The following KRT32 variants were observed in gnomAD, a reference collection of about 807,000 sequenced individuals.
KRT32 encodes the protein keratin, type I cuticular Ha2.
Under a neutral mutation model 41.8 loss-of-function variants are expected in KRT32, and 44 were observed. The observed-to-expected ratio is 1.05, with a 90% confidence interval of 0.83 to 1.35. KRT32 has a LOEUF of 1.35. KRT32 is among the 40% of genes most tolerant of loss of function. The pLI is 0.00. For synonymous variants in KRT32, 238 were observed against 242.5 expected (o/e 0.98, Z 0.17); for missense variants, 576 against 584.6 (o/e 0.99, Z 0.15).
chr17:41,463,972 T>C (rs1597741801), intron 5 of KRT32, 106 bp downstream of exon 5: 1 of 1,168,906 alleles, frequency 8.6e-7, no homozygotes, highest in East Asian at 2.7e-5. Flanking sequence ...TGAGCATCCA[T>C]GGTGGCTGAA....
chr17:41,467,292 G>A lies in KRT32; in HGVS notation c.34C>T (p.Gln12Ter). The stretch of plus-strand genomic sequence containing the variant: ...CGGGGGCAGCTCTTGAGAGAGGCTT[G>A]CAAGTTGTTGGTGACACAGCAGGAG... The part of the protein sequence containing the change: ...TSSCCVTNNL[Q>*]ASLKSCPRPA... Residue 12 changes from glutamine to a stop codon, truncating the protein, a stop_gained, in exon 1 of 7, where the codon CAA (glutamine) becomes TAA (stop). Coordinates refer to ENST00000225899, the MANE Select transcript of KRT32 (RefSeq NM_002278.3). LOFTEE classifies it high-confidence loss of function. 1.2e-6 allele frequency: 2 copies of A among 1,612,254 alleles called. No individual in the cohort carries two copies. Among genetic ancestry groups the A allele is most frequent in the African/African-American group, 1.3e-5 (1 of 75,056 alleles).
rs555113806 is a variant in KRT32 at position 41,464,121 on chromosome 17, G to C, written c.953C>G (p.Thr318Arg). 1.2e-6 allele frequency: 2 copies of C among 1,612,004 alleles called. No individual in the cohort carries two copies. Among genetic ancestry groups the C allele is most frequent in the Non-Finnish European group, 1.7e-6 (2 of 1,178,876 alleles). The change falls in exon 5 of 7, where the codon ACG becomes AGG. Residue 318 changes from threonine (T) to arginine (R), a missense_variant. Coordinates refer to ENST00000225899, the MANE Select transcript of KRT32 (RefSeq NM_002278.3). Reference sequence around the variant, plus strand: ...CAGCTCGATCTCCAGCGTGTTGACCGTGCGTCTCAGGTCAATGATGTCTGA... The same window carrying C: ...CAGCTCGATCTCCAGCGTGTTGACCCTGCGTCTCAGGTCAATGATGTCTGA... ...YQSDIIDLRRTVNTLEIELQA... is the reference protein window; with the variant it reads ...YQSDIIDLRRRVNTLEIELQA...
chr17:41,464,420 C>T lies in KRT32; in HGVS notation c.732G>A (p.Gln244=). The stretch of plus-strand genomic sequence containing the variant: ...CCTCGATGTTAAGGCGGTCCCCAAG[C>T]TGGCATCGAAGGGAACCGACTTCCT... ...HEEEVGSLRC[Q]LGDRLNIEVD... The change falls in exon 4 of 7, where the codon CAG becomes CAA. Residue 244 remains glutamine, a synonymous_variant. Coordinates refer to ENST00000225899, the MANE Select transcript of KRT32 (RefSeq NM_002278.3). The T allele has an allele frequency of 6.3e-7, 1 of 1,580,344 alleles. No homozygotes were observed. Among genetic ancestry groups the T allele is most frequent in the Non-Finnish European group, 8.6e-7 (1 of 1,165,368 alleles).
In KRT32 at chr17:41,460,193, G is replaced by T. The variant is rs756056270; in HGVS notation, c.1264C>A (p.Pro422Thr). 5.0e-6 allele frequency: 8 copies of T among 1,611,498 alleles called. No homozygotes were observed. In the Admixed American group the frequency reaches 8.4e-5, roughly 17 times the overall value. Residue 422 changes from proline (P) to threonine (T), a missense_variant, in exon 7 of 7, where the codon CCC becomes ACC. Transcript: ENST00000225899. The stretch of plus-strand genomic sequence containing the variant: ...ACGGTGCGGGGCACGCATGGGGAGG[G>T]CACACAGGTGGTGCAGGAAGGAGTG... The part of the protein sequence containing the change: ...CSTPSCTTCV[P>T]SPCVPRTVCV...
intron 1 of KRT32, 111 bp from the exon 2 acceptor site, chr17:41,466,287 C>G: frequency 1.2e-6 from 1 of 805,032 alleles, no homozygotes; most frequent in Non-Finnish European, 2.0e-6. Context: ...CTGCAGCCAT[C>G]CCTGCAGAAG....
chr17:41,461,913 A>G (rs527503082), intron 6 of KRT32, among the ~76,000 whole-genome samples: 1 of 152,298 alleles, frequency 6.6e-6, no homozygotes, highest in Non-Finnish European at 1.5e-5. Flanking sequence ...TTCTACCTGC[A>G]CAGTGTCTAG....
At chr17:41,462,788 T>C (rs1279187828) in intron 6 of KRT32, 42 bp downstream of exon 6, 1 of 1,604,812 alleles carries the variant, frequency 6.2e-7, no homozygotes, top group East Asian at 2.2e-5. Context: ...CCTCCCAGAA[T>C]CCCTGCCCAC....
rs184534234 is a variant in KRT32 at position 41,466,326 on chromosome 17, T to A, written c.469-150A>T. 215 of 600,346 alleles carry A rather than the reference T, an allele frequency of 3.6e-4. No individual in the cohort carries two copies. The Admixed American group carries it at 4.9e-3, about 14-fold the overall frequency. 37.2% of individuals were successfully genotyped at this position (600,346 alleles called of 1,614,324 possible). ...CTCTTCCCTGGAACTCTGGGAGATA[T>A]TTAGCGAATTGCTAGTCCTTGGAGA... On this transcript the variant is annotated intron_variant, in intron 1 of 6. Transcript: ENST00000225899.
intron 6 of KRT32, among the ~76,000 whole-genome samples, chr17:41,461,010 C>G (rs2018997239): frequency 6.6e-6 from 1 of 152,172 alleles, no homozygotes; most frequent in Non-Finnish European, 1.5e-5. Flanking sequence ...AGGGACTGTA[C>G]TGCTCAGGCC....
chr17:41,460,285 A>G, intron 6 of KRT32, 46 bp from the exon 7 acceptor site: 4 of 1,550,938 alleles, frequency 2.6e-6, no homozygotes, highest in Non-Finnish European at 3.5e-6. Flanking sequence ...GAGAAGGCCC[A>G]CTCGGCCACA....
At chr17:41,465,059 G>A (rs2019051580) in intron 3 of KRT32, among the ~76,000 whole-genome samples, 1 of 151,342 alleles carries the variant, frequency 6.6e-6, no homozygotes, top group Non-Finnish European at 1.5e-5. Flanking sequence ...CAAATCCCAA[G>A]TCAAGAGGTT....
chr17:41,460,336 C>A, intron 6 of KRT32, 97 bp from the exon 7 acceptor site: 2 of 1,431,886 alleles, frequency 1.4e-6, no homozygotes, highest in East Asian at 2.5e-5. Context: ...TCAACCCCAT[C>A]TTCCGTGCTT....
Position 41,464,296 on chromosome 17 carries a change from A to G in KRT32, c.856T>C (p.Trp286Arg), listed in dbSNP as rs764897371. 10 of 1,602,564 alleles carry G rather than the reference A, an allele frequency of 6.2e-6. No homozygotes were observed. Among genetic ancestry groups the G allele is most frequent in the African/African-American group, 1.3e-5 (1 of 74,692 alleles). ...VEANRRDVEE[W>R]FNMQMEELNQ... ...GAGAGGCCCACCTGCATATTGAACC[A>G]TTCCTCCACGTCCCTGCGGTTGGCC... is the stretch of plus-strand genomic sequence containing the variant. The change falls in exon 4 of 7, where the codon TGG becomes CGG. Residue 286 changes from tryptophan (W) to arginine (R), a missense_variant. By Grantham distance (101) the Trp-to-Arg change is moderately radical. Coordinates refer to ENST00000225899, the MANE Select transcript of KRT32 (RefSeq NM_002278.3).
chr17:41,464,460 C>A lies in KRT32; in HGVS notation c.709-17G>T, dbSNP rs886281934. ...ACCGACTTCCTGAAAAGGCACAAGACCTCCAGAAAAATGTGACAATGATAG... is the reference window on the plus strand; with the variant it reads ...ACCGACTTCCTGAAAAGGCACAAGAACTCCAGAAAAATGTGACAATGATAG... On this transcript the variant is annotated splice_polypyrimidine_tract_variant and intron_variant, in intron 3 of 6. Coordinates refer to ENST00000225899, the MANE Select transcript of KRT32 (RefSeq NM_002278.3). The A allele has an allele frequency of 6.6e-7, 1 of 1,526,624 alleles. No individual in the cohort carries two copies. The highest frequency in any genetic ancestry group is 1.4e-5 in the African/African-American group (1 of 72,072). 94.6% of individuals were successfully genotyped at this position (1,526,624 alleles called of 1,614,324 possible). A position where few individuals can be genotyped will look rare whatever the true frequency, so the allele number is the denominator to read the frequency against.
rs747923449 is a variant in KRT32 at position 41,467,354 on chromosome 17, A to G, written c.-29T>C. 1 of 1,546,954 alleles carries G rather than the reference A, an allele frequency of 6.5e-7. No homozygotes were observed. ...GGAGAGGCCCTTTCTCCTCAGCCAC[A>G]GCTACCTGGATGTCTACAGACCCCA... On this transcript the variant is annotated 5_prime_UTR_variant, in exon 1 of 7. Coordinates refer to ENST00000225899, the MANE Select transcript of KRT32 (RefSeq NM_002278.3).
At chr17:41,461,279 G>A (rs1222564786) in intron 6 of KRT32, among the ~76,000 whole-genome samples, 2 of 152,136 alleles carry the variant, frequency 1.3e-5, no homozygotes, top group African/African-American at 4.8e-5. Context: ...ACCTCACATA[G>A]AATAGGCACC....
At position 41,467,126 on chromosome 17, in the gene KRT32, A is replaced by C. The variant is rs757763813; in HGVS notation, c.200T>G (p.Leu67Arg). 1.9e-6 allele frequency: 3 copies of C among 1,613,996 alleles called. No individual in the cohort carries two copies. The highest frequency in any genetic ancestry group is 2.5e-6 in the Non-Finnish European group (3 of 1,180,030). ...RPASCLSKTYLSSSCQAASGI... is the reference protein window; with the variant it reads ...RPASCLSKTYRSSSCQAASGI... ...ACTGGCTGCCTGGCAGGAACTGGAT[A>C]GATAGGTTTTGGAGAGGCAGCTGGC... Residue 67 changes from leucine to arginine, a missense_variant, in exon 1 of 7, where the codon CTA (leucine) becomes CGA (arginine). Transcript: ENST00000225899.
chr17:41,462,757 A>C, intron 6 of KRT32, 73 bp downstream of exon 6: 2 of 1,504,914 alleles, frequency 1.3e-6, no homozygotes, highest in South Asian at 2.4e-5. Flanking sequence ...CCTCAAGGGT[A>C]GATCCAGTTG....
At chr17:41,465,506 T>C (rs2019056291) in intron 3 of KRT32, among the ~76,000 whole-genome samples, 1 of 152,130 alleles carries the variant, frequency 6.6e-6, no homozygotes, top group Non-Finnish European at 1.5e-5. Context: ...TTCTGAGAGT[T>C]GACCAAGTGG....
Sources: gnomAD v4.1 joint callset for allele counts (sites outside exome capture counted in the v4.1 genomes callset) on GRCh38, gnomAD v4.1.1 for gene constraint, MANE v1.5 for transcripts, NCBI Gene and HGNC (gene_info 2026-07-23, HGNC 2026-07-21) for gene names.